The following PIEZO2 variants were observed in gnomAD, a reference collection of about 807,000 sequenced individuals.
The protein encoded by PIEZO2 is piezo-type mechanosensitive ion channel component 2.
PIEZO2 carries 172 observed loss-of-function variants against 337.3 expected under a neutral mutation model. That is an observed-to-expected ratio of 0.51 (90% CI 0.45 to 0.58). The LOEUF is 0.58. PIEZO2 is among the 20% of genes least tolerant of loss of function. PIEZO2 has a pLI of 0.00. For missense variants in PIEZO2, 3,028 were observed against 3,391.3 expected (o/e 0.89, Z 2.66); for synonymous variants, 1,251 against 1,228.5 (o/e 1.02, Z -0.38).
chr18:11,092,916 T>G lies in PIEZO2; in HGVS notation c.65-26694A>C, dbSNP rs186610165. ...AAGAACTGTTCTCAAAAAATTGGCT[T>G]AATATGCACGTAAAGTGTTCTTTTA... is the stretch of plus-strand genomic sequence containing the variant. On this transcript the variant is annotated intron_variant, in intron 1 of 55. Coordinates refer to ENST00000674853, the MANE Select transcript of PIEZO2 (RefSeq NM_001378183.1). The surrounding 1 kb of genome is among the most constrained non-coding windows in gnomAD (Gnocchi z 4.5). Among the ~76,000 whole-genome samples the G allele has an allele frequency of 7.9e-5, 12 of 152,298 alleles. No homozygotes were observed. In the East Asian group the frequency reaches 2.1e-3, roughly 27 times the overall value.
rs1478245869 is a variant in PIEZO2 at position 10,815,231 on chromosome 18, C to G, written c.918-7957G>C. 6.6e-6 allele frequency among the ~76,000 whole-genome samples: 1 copy of G among 152,114 alleles called. No individual in the cohort carries two copies. Among genetic ancestry groups the G allele is most frequent in the Admixed American group, 6.5e-5 (1 of 15,274 alleles). ...ATTCTACTTAGTATTTTAAAGCACA[C>G]CTTTTAAATGAAATTGCCTTAGCAT... On this transcript the variant is annotated intron_variant, in intron 7 of 55. Transcript: ENST00000674853. This position sits in a 1 kb window ranked among gnomAD's most constrained non-coding sequence, Gnocchi z 4.1.
At chr18:10,796,086 C>G (rs188322882) in intron 12 of PIEZO2, among the ~76,000 whole-genome samples, 1 of 151,906 alleles carries the variant, frequency 6.6e-6, no homozygotes, top group Non-Finnish European at 1.5e-5. Context: ...TGCTGCTGGC[C>G]GGGCTTGGTG....
Position 10,677,503 on chromosome 18 carries a change from C to G in PIEZO2, c.8081+244G>C, listed in dbSNP as rs978445541. The G allele has an allele frequency of 2.6e-6, 1 of 381,996 alleles. No individual in the cohort carries two copies. The highest frequency in any genetic ancestry group is 6.6e-5 in the East Asian group (1 of 15,250). 23.7% of individuals were successfully genotyped at this position (381,996 alleles called of 1,614,324 possible). On this transcript the variant is annotated intron_variant, in intron 53 of 55. Coordinates refer to ENST00000674853, the MANE Select transcript of PIEZO2 (RefSeq NM_001378183.1). This position sits in a 1 kb window ranked among gnomAD's most constrained non-coding sequence, Gnocchi z 4.1. ...AACATGCTGGGATTACAGGCATGAG[C>G]CACCATGCCTGGCCCAAACCCTCAT...
Position 11,116,323 on chromosome 18 carries a change from A to C in PIEZO2, c.64+32202T>G, listed in dbSNP as rs2039886244. The stretch of plus-strand genomic sequence containing the variant: ...TTCTCTGAGCCCCAAAACCACTAAT[A>C]GAATATGTGCAAGGGGCTCTTGAGG... On this transcript the variant is annotated intron_variant, in intron 1 of 55. Transcript: ENST00000674853. This position sits in a 1 kb window ranked among gnomAD's most constrained non-coding sequence, Gnocchi z 5.0. 6.6e-6 allele frequency among the ~76,000 whole-genome samples: 1 copy of C among 152,180 alleles called. No homozygotes were observed. Among genetic ancestry groups the C allele is most frequent in the South Asian group, 2.1e-4 (1 of 4,836 alleles).
In PIEZO2 at chr18:11,136,976, T is replaced by G. The variant is rs1027321484; in HGVS notation, c.64+11549A>C. 7.9e-5 allele frequency among the ~76,000 whole-genome samples: 12 copies of G among 152,238 alleles called. 1 individual carries two copies. Among genetic ancestry groups the G allele is most frequent in the Non-Finnish European group, 1.6e-4 (11 of 68,040 alleles). Reference sequence around the variant, plus strand: ...AACTATAATGTAGCTTGGTTTTCTTTAAAGGCATGTCTAGTAATAAGCTAT... The same window carrying G: ...AACTATAATGTAGCTTGGTTTTCTTGAAAGGCATGTCTAGTAATAAGCTAT... On this transcript the variant is annotated intron_variant, in intron 1 of 55. Coordinates refer to ENST00000674853, the MANE Select transcript of PIEZO2 (RefSeq NM_001378183.1).
At chr18:11,023,916 C>T (rs552696100) in intron 2 of PIEZO2, among the ~76,000 whole-genome samples, 7 of 152,304 alleles carry the variant, frequency 4.6e-5, no homozygotes, top group South Asian at 4.1e-4. Flanking sequence ...TGCCCGGGGC[C>T]GGCAGGACTG....
rs1018645938 is a variant in PIEZO2, at chr18:10,834,509, A to G, written c.917+20844T>C. On this transcript the variant is annotated intron_variant, in intron 7 of 55. Transcript: ENST00000674853. This position sits in a 1 kb window ranked among gnomAD's most constrained non-coding sequence, Gnocchi z 4.5. ...GTGCCGGCTTCCCCTTTAATCCCTC[A>G]TGATGGAGTCACAGAGTCTTTTTGG... 2.0e-5 allele frequency among the ~76,000 whole-genome samples: 3 copies of G among 152,200 alleles called. No homozygotes were observed. Among genetic ancestry groups the G allele is most frequent in the African/African-American group, 7.2e-5 (3 of 41,456 alleles).
chr18:11,091,407 AG>A (rs1473968473), intron 1 of PIEZO2, among the ~76,000 whole-genome samples: 1 of 151,996 alleles, frequency 6.6e-6, no homozygotes, highest in Non-Finnish European at 1.5e-5. Flanking sequence ...AAAGAAAAAA[AG>A]AAAAAGAAAG....
In PIEZO2 at chr18:10,791,184, C is replaced by CATAT. The variant is rs781223958; in HGVS notation, c.1882+13_1882+16dup. On this transcript the variant is annotated intron_variant, in intron 14 of 55. Coordinates refer to ENST00000674853, the MANE Select transcript of PIEZO2 (RefSeq NM_001378183.1). ...CTGAGCACCAAACTCTCCAGCCACA[C>CATAT]ATATACACTAATTTACCTTTTTCTT... The CATAT allele has an allele frequency of 1.3e-6, 2 of 1,530,204 alleles. No homozygotes were observed. The highest frequency in any genetic ancestry group is 1.2e-5 in the South Asian group (1 of 82,966). The allele number at this position is 1,530,204 out of a possible 1,614,324, so 94.8% of individuals were successfully genotyped here. A position where few individuals can be genotyped will look rare whatever the true frequency, so the allele number is the denominator to read the frequency against.
intron 2 of PIEZO2, among the ~76,000 whole-genome samples, chr18:11,044,032 G>A (rs1435762489): frequency 6.6e-6 from 1 of 151,826 alleles, no homozygotes; most frequent in African/African-American, 2.4e-5. Flanking sequence ...TGTTAGTACT[G>A]ACATTTCCCA....
chr18:10,826,516 T>C (rs1033337401), intron 7 of PIEZO2, among the ~76,000 whole-genome samples: 1 of 152,238 alleles, frequency 6.6e-6, no homozygotes, highest in Non-Finnish European at 1.5e-5. Context: ...TATTGGAAAC[T>C]AATCAAATAA....
intron 39 of PIEZO2, among the ~76,000 whole-genome samples, chr18:10,710,006 G>A (rs1201780465): frequency 1.3e-5 from 2 of 152,268 alleles, no homozygotes; most frequent in African/African-American, 4.8e-5. Flanking sequence ...TTAACTGGCT[G>A]TTGGGTTTTA....
Position 10,861,313 on chromosome 18 carries a change from T to A in PIEZO2, c.493-4102A>T, listed in dbSNP as rs950124383. Reference sequence around the variant, plus strand: ...GAAACTGAAGACAAAATAAACTCTTTACAGTTTAAAAAGTCAAATAAATGA... The same window carrying A: ...GAAACTGAAGACAAAATAAACTCTTAACAGTTTAAAAAGTCAAATAAATGA... On this transcript the variant is annotated intron_variant, in intron 5 of 55. Transcript: ENST00000674853. The surrounding 1 kb of genome is among the most constrained non-coding windows in gnomAD (Gnocchi z 4.3). Among the ~76,000 whole-genome samples the A allele has an allele frequency of 2.0e-5, 3 of 152,226 alleles. No homozygotes were observed. Among genetic ancestry groups the A allele is most frequent in the African/African-American group, 7.2e-5 (3 of 41,456 alleles).
Position 11,027,851 on chromosome 18 carries a change from A to T in PIEZO2, c.160+38276T>A, listed in dbSNP as rs1381534185. ...TTGGTAAGTGGTTTTTCCATTTGAG[A>T]GTTTCATGTTGTTTTGCTTTTAACA... On this transcript the variant is annotated intron_variant, in intron 2 of 55. Coordinates refer to ENST00000674853, the MANE Select transcript of PIEZO2 (RefSeq NM_001378183.1). This position sits in a 1 kb window ranked among gnomAD's most constrained non-coding sequence, Gnocchi z 4.2. Among the ~76,000 whole-genome samples the T allele has an allele frequency of 1.3e-5, 2 of 152,202 alleles. No individual in the cohort carries two copies. The highest frequency in any genetic ancestry group is 3.2e-3 in the Middle Eastern group (1 of 314).
chr18:11,141,939 A>G (rs146703008), intron 1 of PIEZO2, among the ~76,000 whole-genome samples: 1 of 152,338 alleles, frequency 6.6e-6, no homozygotes, highest in African/African-American at 2.4e-5. Context: ...AACCTCATAG[A>G]TAGACCAAAT....
chr18:10,742,165 C>G (rs2037250550), intron 32 of PIEZO2, among the ~76,000 whole-genome samples: 1 of 151,932 alleles, frequency 6.6e-6, no homozygotes, highest in African/African-American at 2.4e-5. Context: ...AAAAACAAAA[C>G]AAAACAAAAC....
At position 10,775,321 on chromosome 18, in the gene PIEZO2, G is replaced by C. The variant is rs1209054701; in HGVS notation, c.2535-1283C>G. Among the ~76,000 whole-genome samples, 1 of 152,164 alleles carries C rather than the reference G, an allele frequency of 6.6e-6. No individual in the cohort carries two copies. The highest frequency in any genetic ancestry group is 1.5e-5 in the Non-Finnish European group (1 of 68,046). On this transcript the variant is annotated intron_variant, in intron 18 of 55. Transcript: ENST00000674853. The surrounding 1 kb of genome is among the most constrained non-coding windows in gnomAD (Gnocchi z 4.3). ...CTCAGGGAACACATTTGCTGTTCCT[G>C]CTTTGTCAGGACTCTCCATGTGAAA...
At chr18:10,732,225 C>A (rs1451566238) in intron 35 of PIEZO2, among the ~76,000 whole-genome samples, 1 of 152,260 alleles carries the variant, frequency 6.6e-6, no homozygotes, top group Non-Finnish European at 1.5e-5. Flanking sequence ...TCTCCCAAAT[C>A]ATGCAGAAAG....
Position 10,745,259 on chromosome 18 carries a change from T to C in PIEZO2, c.4425-1028A>G, listed in dbSNP as rs190796331. Among the ~76,000 whole-genome samples the C allele has an allele frequency of 1.5e-3, 224 of 152,320 alleles. 1 individual carries two copies. Among genetic ancestry groups the C allele is most frequent in the Admixed American group, 4.9e-3 (75 of 15,296 alleles). ...CATAGCCTGGGGGACACGAAATTCC[T>C]GCTTCTTCCTCTCTTCTTGCATTTC... On this transcript the variant is annotated intron_variant, in intron 30 of 55. Coordinates refer to ENST00000674853, the MANE Select transcript of PIEZO2 (RefSeq NM_001378183.1).
Sources: allele counts gnomAD v4.1 joint callset (sites outside exome capture counted in the v4.1 genomes callset), GRCh38; gene constraint gnomAD v4.1.1; non-coding constraint Gnocchi (gnomAD v3.1); transcripts MANE v1.5; gene names NCBI Gene and HGNC (gene_info 2026-07-23, HGNC 2026-07-21).